The following EPB41L3 variants were observed in gnomAD, a reference collection of about 807,000 sequenced individuals.
The protein encoded by EPB41L3 is band 4.1-like protein 3.
A neutral mutation model predicts 127.1 loss-of-function variants in EPB41L3; 57 were observed. That is an observed-to-expected ratio of 0.45 (90% confidence interval 0.36 to 0.56). The LOEUF is 0.56. Among genes scored for constraint, EPB41L3 ranks in the 20% least tolerant of loss-of-function variants. The pLI, the probability that EPB41L3 is intolerant of heterozygous loss-of-function variation, is 0.00. For synonymous variants in EPB41L3, 572 were observed against 549.5 expected, an observed-to-expected ratio of 1.04 and a Z score of -0.57; for missense variants, 1,273 against 1,372.2, an observed-to-expected ratio of 0.93 and a Z score of 1.14.
At chr18:5,609,540 A>T (rs1384489056) in intron 3 of EPB41L3, among the ~76,000 whole-genome samples, 1 of 152,178 alleles carries the variant, frequency 6.6e-6, no homozygotes, top group East Asian at 1.9e-4. Flanking sequence ...ACAAAGTTAG[A>T]ATTTAATATT....
chr18:5,398,336 C>G (rs2073936360), intron 16 of EPB41L3, 193 bp from the exon 17 acceptor site: 1 of 658,566 alleles, frequency 1.5e-6, no homozygotes. Flanking sequence ...TTTGGTAAAG[C>G]AGAGACGGTT....
intron 1 of EPB41L3, among the ~76,000 whole-genome samples, chr18:5,536,269 A>G (rs553763968): frequency 1.3e-4 from 19 of 151,798 alleles, no homozygotes; most frequent in African/African-American, 3.9e-4. Context: ...ATCCTGTTTT[A>G]CCACAAGCCT....
At chr18:5,535,669 C>T (rs935149916) in intron 1 of EPB41L3, among the ~76,000 whole-genome samples, 3 of 152,176 alleles carry the variant, frequency 2.0e-5, no homozygotes, top group Middle Eastern at 3.2e-3. Context: ...CCTGGGTGCA[C>T]CATTCCAGCT....
chr18:5,554,166 C>CTCTCCTTT (rs1217473354), intron 3 of EPB41L3, among the ~76,000 whole-genome samples: 1 of 152,224 alleles, frequency 6.6e-6, no homozygotes, highest in Non-Finnish European at 1.5e-5. Context: ...TCTTATCCCA[C>CTCTCCTTT]TCTCCTTTTT....
At chr18:5,506,248 G>A (rs1447136632) in intron 1 of EPB41L3, among the ~76,000 whole-genome samples, 3 of 152,038 alleles carry the variant, frequency 2.0e-5, no homozygotes, top group Non-Finnish European at 4.4e-5. Flanking sequence ...AACATGTCAC[G>A]TCTTGGCTCA....
chr18:5,433,735 T>C (rs1009521484), intron 7 of EPB41L3, among the ~76,000 whole-genome samples, 168 bp downstream of exon 7: 3 of 152,180 alleles, frequency 2.0e-5, no homozygotes, highest in Admixed American at 2.0e-4. Context: ...AACACCTGGA[T>C]GCTCTGAGTG....
At chr18:5,561,041 G>A (rs1231143010) in intron 3 of EPB41L3, among the ~76,000 whole-genome samples, 11 of 144,820 alleles carry the variant, frequency 7.6e-5, no homozygotes, top group South Asian at 2.2e-4. Flanking sequence ...GCAGTGGCGC[G>A]ATCGCGGCTC....
intron 3 of EPB41L3, among the ~76,000 whole-genome samples, chr18:5,581,520 A>G (rs751608317): frequency 2.6e-5 from 4 of 152,202 alleles, no homozygotes; most frequent in Non-Finnish European, 5.9e-5. Context: ...AAAGAAATGC[A>G]AAACAAACAA....
chr18:5,527,781 G>C (rs1036149453), intron 1 of EPB41L3, among the ~76,000 whole-genome samples: 4 of 152,194 alleles, frequency 2.6e-5, no homozygotes, highest in African/African-American at 9.7e-5. Context: ...CGAGGGCTCG[G>C]CAAGTCCAAT....
chr18:5,408,990 A>C (rs2075853822), intron 14 of EPB41L3, among the ~76,000 whole-genome samples: 1 of 152,224 alleles, frequency 6.6e-6, no homozygotes, highest in Admixed American at 6.5e-5. Context: ...CAGGTGCCTT[A>C]AGAAAATCAT....
chr18:5,604,287 T>C (rs2094624118), intron 3 of EPB41L3, among the ~76,000 whole-genome samples: 1 of 152,008 alleles, frequency 6.6e-6, no homozygotes. Context: ...GCAGCAACAG[T>C]GGTGCTGTCC....
chr18:5,503,231 ATAATT>A (rs1477985312), intron 1 of EPB41L3, among the ~76,000 whole-genome samples: 3 of 152,326 alleles, frequency 2.0e-5, no homozygotes, highest in African/African-American at 4.8e-5. Context: ...TAATTATAAT[ATAATT>A]TAATACATCT....
In EPB41L3 at chr18:5,423,429, A is replaced by G; in HGVS notation, c.1288T>C (p.Phe430Leu). The change falls in exon 11 of 23, where the codon TTT (phenylalanine) becomes CTT (leucine). Residue 430 changes from phenylalanine to leucine, a missense_variant. Physicochemically the swap from Phe to Leu is conservative, Grantham distance 22. This residue lies in a region of EPB41L3 where 326 missense variants were observed against 440.2 expected (regional missense o/e 0.74). Transcript: ENST00000341928. ...SALIDRPAPY[F>L]ERSSSKRYTM... ...TAACGTTTGCTGGATGAGCGTTCAA[A>G]GTAAGGTGCTGGGCGATCTATCAAC... is the stretch of plus-strand genomic sequence containing the variant. 6.2e-7 allele frequency: 1 copy of G among 1,613,390 alleles called. No homozygotes were observed. The highest frequency in any genetic ancestry group is 8.5e-7 in the Non-Finnish European group (1 of 1,179,480).
At chr18:5,538,646 CA>C (rs1568534355) in intron 1 of EPB41L3, among the ~76,000 whole-genome samples, 1 of 152,086 alleles carries the variant, frequency 6.6e-6, no homozygotes, top group Admixed American at 6.5e-5. Flanking sequence ...TATCATCTCC[CA>C]GCACTAATCC....
intron 3 of EPB41L3, among the ~76,000 whole-genome samples, chr18:5,602,223 T>C (rs892796332): frequency 6.6e-6 from 1 of 152,212 alleles, no homozygotes; most frequent in African/African-American, 2.4e-5. Flanking sequence ...ACTAGCAGCA[T>C]GTCCTGTAGT....
In EPB41L3 at chr18:5,416,208, A is replaced by G; in HGVS notation, c.1677T>C (p.Asp559=). ...HLPGEPALDS[D]GPGRPYLGDQ... is the part of the protein sequence containing the mutation. ...CCCCTAGGTAAGGCCTCCCTGGGCC[A>G]TCAGAGTCCAAGGCGGGCTCTCCAG... is the stretch of plus-strand genomic sequence containing the variant. The change falls in exon 13 of 23, where the codon GAT becomes GAC. Residue 559 remains aspartate, a synonymous_variant. Coordinates refer to ENST00000341928, the MANE Select transcript of EPB41L3 (RefSeq NM_012307.5). 1 of 1,614,178 alleles carries G rather than the reference A, an allele frequency of 6.2e-7. No individual in the cohort carries two copies. The highest frequency in any genetic ancestry group is 8.5e-7 in the Non-Finnish European group (1 of 1,180,032).
chr18:5,534,268 TTTATA>T (rs1456654902), intron 1 of EPB41L3, among the ~76,000 whole-genome samples: 1 of 152,258 alleles, frequency 6.6e-6, no homozygotes, highest in Non-Finnish European at 1.5e-5. Flanking sequence ...GTACTATTTA[TTTATA>T]TTATATCTTC....
At chr18:5,410,516 A>T (rs369130101) in intron 14 of EPB41L3, 50 bp downstream of exon 14, 23 of 1,399,220 alleles carry the variant, frequency 1.6e-5, no homozygotes, top group Non-Finnish European at 2.3e-5. Context: ...GCCACCCCAC[A>T]AGGCATTTTC....
chr18:5,525,932 T>C (rs1260937772), intron 1 of EPB41L3, among the ~76,000 whole-genome samples: 1 of 152,104 alleles, frequency 6.6e-6, no homozygotes, highest in Non-Finnish European at 1.5e-5. Flanking sequence ...GCAAATTTAG[T>C]GCTTATAAGG....
Sources: gnomAD v4.1 joint callset for allele counts (sites outside exome capture counted in the v4.1 genomes callset) on GRCh38, gnomAD v4.1.1 for gene constraint, gnomAD v4.1.1 regional missense constraint, MANE v1.5 for transcripts, NCBI Gene and HGNC (gene_info 2026-07-23, HGNC 2026-07-21) for gene names.